NAALADL2: variants seen among roughly 807,000 people sequenced by gnomAD.
NAALADL2 encodes inactive N-acetylated-alpha-linked acidic dipeptidase-like protein 2.
Under a neutral mutation model 87.2 loss-of-function variants are expected in NAALADL2, and 76 were observed. The observed-to-expected ratio is 0.87, with a 90% CI of 0.72 to 1.05. NAALADL2 has a LOEUF of 1.05. Ranked by LOEUF, NAALADL2 falls within the 50% of genes least tolerant of loss-of-function variation. NAALADL2 has a pLI of 0.00. For missense variants in NAALADL2, 1,089 were observed against 945.8 expected, an observed-to-expected ratio of 1.15 and a Z score of -1.99; for synonymous variants, 354 against 331.0, an observed-to-expected ratio of 1.07 and a Z score of -0.75.
chr3:174,560,091 G>T (rs909900445), intron 2 of NAALADL2, among the ~76,000 whole-genome samples: 1 of 152,184 alleles, frequency 6.6e-6, no homozygotes, highest in South Asian at 2.1e-4. Context: ...GATGTTTCCT[G>T]GTCTGTGTGG....
chr3:175,034,531 C>G (rs1262099132), intron 1 of NAALADL2, among the ~76,000 whole-genome samples: 1 of 152,100 alleles, frequency 6.6e-6, no homozygotes, highest in African/African-American at 2.4e-5. Flanking sequence ...CAAATGACAT[C>G]TTATCAAAGA....
chr3:174,543,501 GCTTT>G (rs1722441348), intron 1 of NAALADL2, among the ~76,000 whole-genome samples: 1 of 152,108 alleles, frequency 6.6e-6, no homozygotes, highest in East Asian at 1.9e-4. Flanking sequence ...TAAGAAAACT[GCTTT>G]CTAAGATGTT....
intron 5 of NAALADL2, among the ~76,000 whole-genome samples, chr3:175,375,582 TTTC>T (rs1316406484): frequency 6.6e-6 from 1 of 152,170 alleles, no homozygotes; most frequent in Non-Finnish European, 1.5e-5. Flanking sequence ...TCTATTAGTA[TTTC>T]TTATCTTGAA....
chr3:174,932,419 C>A (rs1737033995), intron 1 of NAALADL2, among the ~76,000 whole-genome samples: 3 of 152,144 alleles, frequency 2.0e-5, no homozygotes, highest in African/African-American at 7.2e-5. Context: ...TTTGTTTATT[C>A]ATCTGTCTTA....
intron 1 of NAALADL2, among the ~76,000 whole-genome samples, chr3:174,911,080 G>C (rs1733632947): frequency 6.6e-6 from 1 of 152,108 alleles, no homozygotes. Flanking sequence ...CAGTGCAATG[G>C]AATTGCCATC....
chr3:175,372,397 C>T (rs749470669), intron 5 of NAALADL2, among the ~76,000 whole-genome samples: 1 of 152,228 alleles, frequency 6.6e-6, no homozygotes, highest in Non-Finnish European at 1.5e-5. Context: ...TAACAGTGGA[C>T]TTCTCCAAAT....
chr3:175,706,621 T>A (rs755999533), intron 11 of NAALADL2, among the ~76,000 whole-genome samples: 8 of 152,136 alleles, frequency 5.3e-5, no homozygotes, highest in Non-Finnish European at 8.8e-5. Context: ...TCTCATATAG[T>A]CACATTGTCT....
chr3:174,793,540 A>C (rs890474706), intron 3 of NAALADL2, among the ~76,000 whole-genome samples: 5 of 152,284 alleles, frequency 3.3e-5, no homozygotes, highest in Admixed American at 3.3e-4. Flanking sequence ...TCATGTGTCC[A>C]TTGATAGTTC....
At chr3:175,464,026 G>A (rs529179845) in intron 7 of NAALADL2, among the ~76,000 whole-genome samples, 2 of 152,220 alleles carry the variant, frequency 1.3e-5, no homozygotes, top group Admixed American at 6.5e-5. Context: ...AGTAGAGACA[G>A]GGTTTCACCA....
At chr3:175,314,795 T>G (rs2110339662) in intron 4 of NAALADL2, among the ~76,000 whole-genome samples, 1 of 145,036 alleles carries the variant, frequency 6.9e-6, no homozygotes, top group South Asian at 2.2e-4. Context: ...TCAAGCAAAA[T>G]AGCATCCATG....
At chr3:175,534,993 G>A (rs556694904) in intron 9 of NAALADL2, among the ~76,000 whole-genome samples, 4 of 151,912 alleles carry the variant, frequency 2.6e-5, no homozygotes, top group Non-Finnish European at 5.9e-5. Context: ...ATCTCTACTG[G>A]CCAAGGGAAG....
chr3:174,923,592 A>G (rs527527013), intron 1 of NAALADL2, among the ~76,000 whole-genome samples: 173 of 152,314 alleles, frequency 1.1e-3, no homozygotes, highest in Non-Finnish European at 2.2e-3. Context: ...TTTTTAGAAC[A>G]AGTAAAATAA....
intron 2 of NAALADL2, among the ~76,000 whole-genome samples, chr3:175,177,711 A>G (rs1735885073): frequency 6.6e-6 from 1 of 152,072 alleles, no homozygotes; most frequent in South Asian, 2.1e-4. Context: ...GTATATCCCA[A>G]CCACTCCTCT....
chr3:175,632,918 G>T (rs753563406), intron 11 of NAALADL2, among the ~76,000 whole-genome samples: 3 of 152,056 alleles, frequency 2.0e-5, no homozygotes, highest in Non-Finnish European at 4.4e-5. Context: ...TTTCTCAGTG[G>T]CATTAGCCAT....
chr3:175,636,809 C>A (rs755966433), intron 11 of NAALADL2, among the ~76,000 whole-genome samples: 1 of 151,762 alleles, frequency 6.6e-6, no homozygotes, highest in Admixed American at 6.6e-5. Flanking sequence ...TGATACGCAA[C>A]TGATTTTTTG....
intron 2 of NAALADL2, among the ~76,000 whole-genome samples, chr3:174,639,496 T>C (rs1165763114): frequency 6.6e-6 from 1 of 152,192 alleles, no homozygotes; most frequent in East Asian, 1.9e-4. Context: ...CAGTAGTAAT[T>C]ACATCGCTGC....
rs375032751 is a variant in NAALADL2 at position 174,569,802 on chromosome 3, A to G, written c.-115+19165A>G. Reference sequence around the variant, plus strand: ...TCAAGGATGTCTCTACATCCTGGCTATAGTTTTGGGAATTGTTTAGCCTAC... The same window carrying G: ...TCAAGGATGTCTCTACATCCTGGCTGTAGTTTTGGGAATTGTTTAGCCTAC... On this transcript the variant is annotated intron_variant, in intron 2 of 3. Transcript: ENST00000434257. 6.6e-5 allele frequency among the ~76,000 whole-genome samples: 10 copies of G among 152,218 alleles called. No individual in the cohort carries two copies. The East Asian group carries it at 1.4e-3, about 21-fold the overall frequency.
intron 11 of NAALADL2, among the ~76,000 whole-genome samples, chr3:175,665,926 T>TCC (rs201067996): frequency 8.1e-4 from 120 of 147,686 alleles, no homozygotes; most frequent in African/African-American, 2.0e-3. Context: ...TGGGACTCTG[T>TCC]CCCCCCCCCA....
chr3:174,553,295 A>G (rs1712369980), intron 2 of NAALADL2, among the ~76,000 whole-genome samples: 1 of 152,196 alleles, frequency 6.6e-6, no homozygotes, highest in Admixed American at 6.5e-5. Flanking sequence ...AAGCAAAACC[A>G]AACAAATCTG....
Sources: allele counts gnomAD v4.1 joint callset (sites outside exome capture counted in the v4.1 genomes callset), GRCh38; gene constraint gnomAD v4.1.1; transcripts MANE v1.5; gene names NCBI Gene and HGNC (gene_info 2026-07-23, HGNC 2026-07-21).